The following RETREG1 variants were observed in gnomAD, a reference collection of about 807,000 sequenced individuals.
The protein encoded by RETREG1 is family with sequence similarity 134 member B.
Under a neutral mutation model 54.8 loss-of-function variants are expected in RETREG1, and 44 were observed. That is an observed-to-expected ratio of 0.80 (90% CI 0.63 to 1.03). RETREG1 has a LOEUF of 1.03. Ranked by LOEUF, RETREG1 falls within the 50% of genes least tolerant of loss-of-function variation. The probability of loss-of-function intolerance (pLI) is 0.00; values close to 1 mark genes in which losing one functional copy is unlikely to be tolerated. For missense variants in RETREG1, 554 were observed against 605.1 expected (o/e 0.92, Z 0.89); for synonymous variants, 217 against 238.5 (o/e 0.91, Z 0.83).
intron 3 of RETREG1, among the ~76,000 whole-genome samples, chr5:16,534,919 G>C (rs993653992): frequency 3.3e-5 from 5 of 152,150 alleles, no homozygotes; most frequent in Non-Finnish European, 7.3e-5. Context: ...CATTTATTAA[G>C]TGCCAGGCAC....
At chr5:16,589,585 C>CA (rs1742705121) in intron 1 of RETREG1, among the ~76,000 whole-genome samples, 1 of 152,184 alleles carries the variant, frequency 6.6e-6, no homozygotes, top group South Asian at 2.1e-4. Flanking sequence ...AAACTGGTCT[C>CA]AAACTCCTGA....
At chr5:16,502,954 T>C (rs1289142541) in intron 3 of RETREG1, among the ~76,000 whole-genome samples, 2 of 152,154 alleles carry the variant, frequency 1.3e-5, no homozygotes, top group Non-Finnish European at 2.9e-5. Context: ...CAATTAGGCT[T>C]TTGTCCTGTC....
chr5:16,521,751 G>A (rs959232902), intron 3 of RETREG1, among the ~76,000 whole-genome samples: 3 of 152,148 alleles, frequency 2.0e-5, no homozygotes, highest in South Asian at 2.1e-4. Flanking sequence ...GTTACACGTC[G>A]ATCTTCCTTA....
chr5:16,478,884 T>A lies in RETREG1; in HGVS notation c.774A>T (p.Gly258=). Residue 258 remains glycine, a synonymous_variant, in exon 6 of 9, where the codon GGA becomes GGT. Transcript: ENST00000306320. The part of the protein sequence containing the change: ...SVLLKLDFGI[G]EYINQKKRER... ...CACGTTTCTTCTGATTAATATATTC[T>A]CCAATTCCAAAATCCAGTTTCAGCA... 1 of 1,612,396 alleles carries A rather than the reference T, an allele frequency of 6.2e-7. No homozygotes were observed.
intron 3 of RETREG1, among the ~76,000 whole-genome samples, chr5:16,483,868 A>G (rs1410681246): frequency 6.6e-6 from 1 of 152,094 alleles, no homozygotes; most frequent in Non-Finnish European, 1.5e-5. Context: ...TTGAGTCTCA[A>G]TGTGACTCCA....
At chr5:16,571,124 A>C (rs1278940898) in intron 2 of RETREG1, among the ~76,000 whole-genome samples, 2 of 152,190 alleles carry the variant, frequency 1.3e-5, no homozygotes, top group African/African-American at 4.8e-5. Context: ...AATCCGTACC[A>C]GCTGACATCG....
intron 1 of RETREG1, among the ~76,000 whole-genome samples, chr5:16,576,481 T>C (rs1001382070): frequency 2.0e-5 from 3 of 151,680 alleles, no homozygotes; most frequent in Non-Finnish European, 4.4e-5. Context: ...TTATTTTTTA[T>C]TTATTTATTT....
At chr5:16,608,120 T>C (rs927515932) in intron 1 of RETREG1, among the ~76,000 whole-genome samples, 5 of 152,152 alleles carry the variant, frequency 3.3e-5, no homozygotes, top group African/African-American at 1.2e-4. Context: ...CCTCAGGTGA[T>C]ATGCCCACCT....
At chr5:16,526,808 A>G (rs901048744) in intron 3 of RETREG1, among the ~76,000 whole-genome samples, 2 of 152,194 alleles carry the variant, frequency 1.3e-5, no homozygotes, top group Non-Finnish European at 2.9e-5. Flanking sequence ...TGTGATGCAC[A>G]CCGCCAGGTC....
intron 3 of RETREG1, among the ~76,000 whole-genome samples, chr5:16,514,946 T>A (rs1740299657): frequency 6.8e-6 from 1 of 147,788 alleles, no homozygotes; most frequent in Non-Finnish European, 1.5e-5. Context: ...TGCATATATA[T>A]TATATATGTG....
At chr5:16,573,183 A>G (rs1352509682) in intron 1 of RETREG1, among the ~76,000 whole-genome samples, 3 of 128,086 alleles carry the variant, frequency 2.3e-5, no homozygotes, top group Admixed American at 7.3e-5. Flanking sequence ...TCTGTCTCAA[A>G]AAAAAAAAAA....
At chr5:16,609,292 G>A (rs945339569) in intron 1 of RETREG1, among the ~76,000 whole-genome samples, 5 of 152,156 alleles carry the variant, frequency 3.3e-5, no homozygotes, top group Non-Finnish European at 7.3e-5. Context: ...TTCCTGCAAG[G>A]TTTAAATACG....
chr5:16,474,422 TAGG>T lies in RETREG1; in HGVS notation c.*316_*318del, dbSNP rs1738431355. 1 of 259,348 alleles carries T rather than the reference TAGG, an allele frequency of 3.9e-6. No homozygotes were observed. Among genetic ancestry groups the T allele is most frequent in the Non-Finnish European group, 7.4e-6 (1 of 135,822 alleles). 16.1% of individuals were successfully genotyped at this position (259,348 alleles called of 1,614,324 possible). On this transcript the variant is annotated 3_prime_UTR_variant, in exon 9 of 9. Coordinates refer to ENST00000306320, the MANE Select transcript of RETREG1 (RefSeq NM_001034850.3). ...AAACTGTAAAGAAAAAGAATATTTA[TAGG>T]AGGATTTTAATAGTTTGGTTTTTGT...
chr5:16,523,191 G>A (rs1740591689), intron 3 of RETREG1, among the ~76,000 whole-genome samples: 1 of 152,078 alleles, frequency 6.6e-6, no homozygotes, highest in Admixed American at 6.6e-5. Context: ...ACAACCCATC[G>A]GTACGACACT....
intron 3 of RETREG1, among the ~76,000 whole-genome samples, chr5:16,506,478 T>G (rs1423084117): frequency 3.6e-5 from 1 of 27,732 alleles, no homozygotes; most frequent in African/African-American, 1.8e-4. Flanking sequence ...TGTTTTTTTG[T>G]TTTTTTTTTT....
intron 1 of RETREG1, among the ~76,000 whole-genome samples, chr5:16,578,404 T>A (rs1742393957): frequency 6.6e-6 from 1 of 152,254 alleles, no homozygotes; most frequent in Non-Finnish European, 1.5e-5. Context: ...TTTGTAATTT[T>A]ATAAAATCAA....
At chr5:16,596,619 C>G (rs926840360) in intron 1 of RETREG1, among the ~76,000 whole-genome samples, 1 of 152,176 alleles carries the variant, frequency 6.6e-6, no homozygotes, top group Admixed American at 6.5e-5. Flanking sequence ...TTAAGCACAG[C>G]CTATTCTAGG....
chr5:16,571,962 A>G (rs1561124845), intron 2 of RETREG1, 34 bp downstream of exon 2: 28 of 1,501,890 alleles, frequency 1.9e-5, no homozygotes, highest in Non-Finnish European at 2.3e-5. Context: ...CTAGAAAATT[A>G]AATACCATAT....
rs567863025 is a variant in RETREG1, at chr5:16,582,804, G to A, written c.321-10702C>T. Among the ~76,000 whole-genome samples, 11 of 152,106 alleles carry A rather than the reference G, an allele frequency of 7.2e-5. No individual in the cohort carries two copies. In the East Asian group the frequency reaches 1.7e-3, roughly 24 times the overall value. ...TCTGCACTGGCCGCTCAGAAGCCCCGAGAGTGAGGGCACTCGTTCCACAAA... is the reference window on the plus strand; with the variant it reads ...TCTGCACTGGCCGCTCAGAAGCCCCAAGAGTGAGGGCACTCGTTCCACAAA... On this transcript the variant is annotated intron_variant, in intron 1 of 8. Coordinates refer to ENST00000306320, the MANE Select transcript of RETREG1 (RefSeq NM_001034850.3).
Sources: allele counts gnomAD v4.1 joint callset (sites outside exome capture counted in the v4.1 genomes callset), GRCh38; gene constraint gnomAD v4.1.1; transcripts MANE v1.5; gene names NCBI Gene and HGNC (gene_info 2026-07-23, HGNC 2026-07-21).